Variants in NOX5 observed in about 807,000 individuals in gnomAD.
NOX5 encodes the protein NADPH oxidase 5.
Under a neutral mutation model 85.7 loss-of-function variants are expected in NOX5, and 76 were observed. The observed-to-expected ratio is 0.89, with a 90% confidence interval of 0.74 to 1.07. The LOEUF is 1.07. NOX5 is among the 50% of genes least tolerant of loss of function. The pLI, the probability that NOX5 is intolerant of heterozygous loss-of-function variation, is 0.00. For synonymous variants in NOX5, 405 were observed against 401.4 expected (o/e 1.01, Z -0.11); for missense variants, 973 against 999.5 (o/e 0.97, Z 0.36).
chr15:69,031,893 G>A, intron 4 of NOX5, 81 bp downstream of exon 4: 2 of 1,425,016 alleles, frequency 1.4e-6, no homozygotes, highest in Non-Finnish European at 1.9e-6. Context: ...ACTCACCGCG[G>A]ATCCACTCTG....
chr15:69,034,355 C>G (rs1371706208), intron 5 of NOX5, among the ~76,000 whole-genome samples: 1 of 152,018 alleles, frequency 6.6e-6, no homozygotes, highest in Non-Finnish European at 1.5e-5. Flanking sequence ...AAATGGGGTA[C>G]CCATCCCTAA....
At chr15:69,038,608 G>A (rs446269) in intron 8 of NOX5, among the ~76,000 whole-genome samples, 148,377 of 152,254 alleles carry the variant, frequency 0.97, 72,430 homozygotes, top group East Asian at 1. Context: ...CACCCTGAGA[G>A]GCAGGGTAAA....
chr15:69,045,560 C>CTTTATTTA (rs1354770716), intron 10 of NOX5, among the ~76,000 whole-genome samples: 4 of 132,192 alleles, frequency 3.0e-5, no homozygotes, highest in African/African-American at 1.2e-4. Context: ...TTCTTTCTTT[C>CTTTATTTA]TTTCTTTCTT....
intron 7 of NOX5, among the ~76,000 whole-genome samples, chr15:69,036,325 T>G (rs2050516074): frequency 6.6e-6 from 1 of 152,230 alleles, no homozygotes; most frequent in Admixed American, 6.5e-5. Context: ...ATTCTCTATG[T>G]TATTTTAGGA....
chr15:69,033,878 G>A (rs139932722), intron 5 of NOX5, among the ~76,000 whole-genome samples: 1 of 151,816 alleles, frequency 6.6e-6, no homozygotes, highest in Non-Finnish European at 1.5e-5. Context: ...ATTTTTAGTA[G>A]AGATGGGGTT....
In NOX5 at chr15:69,028,535, C is replaced by T. The variant is rs546019413; in HGVS notation, c.325+170C>T. 32 of 507,626 alleles carry T rather than the reference C, an allele frequency of 6.3e-5. No homozygotes were observed. In the East Asian group the frequency reaches 9.2e-4, roughly 15 times the overall value. The allele number at this position is 507,626 out of a possible 1,614,324, so 31.4% of individuals were successfully genotyped here. ...ACTTCCTTTCCTCACATCTCTCTCCCAGTCCCCAGTCTCTCTGTCTAATCC... is the reference window on the plus strand; with the variant it reads ...ACTTCCTTTCCTCACATCTCTCTCCTAGTCCCCAGTCTCTCTGTCTAATCC... On this transcript the variant is annotated intron_variant, in intron 3 of 15. Transcript: ENST00000388866.
intron 8 of NOX5, chr15:69,037,610 C>T (rs1380386794): frequency 1.8e-5 from 3 of 162,260 alleles, no homozygotes; most frequent in African/African-American, 7.2e-5. Flanking sequence ...GGTATTAAAC[C>T]CTTTGTCTTT....
intron 1 of NOX5, chr15:69,023,232 A>C: frequency 8.3e-6 from 2 of 242,248 alleles, no homozygotes; most frequent in Non-Finnish European, 1.6e-5. Flanking sequence ...GTTTTATGTC[A>C]ACTCCTCCTT....
intron 15 of NOX5, 29 bp downstream of exon 15, chr15:69,055,529 C>A: frequency 6.2e-7 from 1 of 1,609,006 alleles, no homozygotes; most frequent in Non-Finnish European, 8.5e-7. Flanking sequence ...CTGCAGCTTG[C>A]AGGTATGGAT....
At chr15:69,021,069 T>G (rs1328298186) in intron 1 of NOX5, among the ~76,000 whole-genome samples, 3 of 152,230 alleles carry the variant, frequency 2.0e-5, no homozygotes. Flanking sequence ...GTTTGTTTTT[T>G]TTTTAAAGTG....
At chr15:69,036,455 G>A (rs2050517572) in intron 7 of NOX5, among the ~76,000 whole-genome samples, 1 of 152,210 alleles carries the variant, frequency 6.6e-6, no homozygotes, top group African/African-American at 2.4e-5. Context: ...GAAAGTCACA[G>A]AGGACTTGGT....
chr15:69,020,729 C>CTAA (rs2050286348), intron 1 of NOX5, among the ~76,000 whole-genome samples: 2 of 151,882 alleles, frequency 1.3e-5, no homozygotes, highest in Admixed American at 1.3e-4. Flanking sequence ...CTAGCCATCA[C>CTAA]TAATACCTAG....
chr15:69,026,331 AG>A (rs1226424391), intron 1 of NOX5, among the ~76,000 whole-genome samples, 196 bp from the exon 2 acceptor site: 1 of 152,198 alleles, frequency 6.6e-6, no homozygotes, highest in African/African-American at 2.4e-5. Flanking sequence ...TCAGGATAAG[AG>A]GAAGAGACTG....
intron 11 of NOX5, 181 bp from the exon 12 acceptor site, chr15:69,047,232 G>A: frequency 1.4e-6 from 1 of 730,144 alleles, no homozygotes. Flanking sequence ...CCCCAGACTG[G>A]TGCTGAGAGC....
chr15:69,042,869 CCTT>C (rs2050613733), intron 10 of NOX5, 64 bp downstream of exon 10: 3 of 1,542,648 alleles, frequency 1.9e-6, no homozygotes, highest in South Asian at 1.2e-5. Context: ...CAAGTTGCCT[CCTT>C]CTTCTCAGTG....
chr15:69,018,423 C>T (rs1445654325), intron 1 of NOX5, among the ~76,000 whole-genome samples: 1 of 152,106 alleles, frequency 6.6e-6, no homozygotes, highest in Non-Finnish European at 1.5e-5. Flanking sequence ...TCTCCATAAG[C>T]CCTTATTTTA....
intron 1 of NOX5, chr15:69,024,085 C>T (rs1031739561): frequency 3.3e-5 from 5 of 153,670 alleles, no homozygotes; most frequent in African/African-American, 1.2e-4. Flanking sequence ...ATGTCTTACC[C>T]TGGGGCTTGT....
At chr15:69,055,309 G>C (rs767392704) in intron 14 of NOX5, 25 bp from the exon 15 acceptor site, 2 of 1,611,800 alleles carry the variant, frequency 1.2e-6, no homozygotes, top group Non-Finnish European at 1.7e-6. Context: ...GACCCTCAGT[G>C]CAGCCCTTGT....
intron 9 of NOX5, among the ~76,000 whole-genome samples, chr15:69,040,887 C>G (rs2050586051): frequency 6.6e-6 from 1 of 152,044 alleles, no homozygotes; most frequent in South Asian, 2.1e-4. Context: ...TGGATTTCAC[C>G]ACGTTGGCCA....
Sources: allele counts gnomAD v4.1 joint callset (sites outside exome capture counted in the v4.1 genomes callset), GRCh38; gene constraint gnomAD v4.1.1; transcripts MANE v1.5; gene names NCBI Gene and HGNC (gene_info 2026-07-23, HGNC 2026-07-21).